The following GPHN variants were observed in gnomAD, a reference collection of about 807,000 sequenced individuals.
GPHN encodes gephyrin.
In GPHN, 17 loss-of-function variants were observed where a neutral mutation model predicts 95.5. That is an observed-to-expected ratio of 0.18 (90% CI 0.12 to 0.27). The LOEUF (loss-of-function observed/expected upper bound fraction) is 0.27, where lower values mean the gene tolerates loss of function less well. Among genes scored for constraint, GPHN ranks in the 10% least tolerant of loss-of-function variants. The pLI is 1.00. For missense variants in GPHN, 660 were observed against 978.1 expected, an observed-to-expected ratio of 0.67 and a Z score of 4.34; for synonymous variants, 320 against 322.5, an observed-to-expected ratio of 0.99 and a Z score of 0.08.
chr14:67,423,515 G>T, the GPHN span, among the ~76,000 whole-genome samples: 1 of 152,112 alleles, frequency 6.6e-6, no homozygotes, highest in African/African-American at 2.4e-5. Flanking sequence ...GTGAGGGAGG[G>T]GAGGGGTCCT....
chr14:67,461,371 C>T, the GPHN span, among the ~76,000 whole-genome samples: 1 of 152,168 alleles, frequency 6.6e-6, no homozygotes, highest in Non-Finnish European at 1.5e-5. Context: ...GACTCCAAAG[C>T]CTGGGGTATT....
the GPHN span, chr14:67,359,832 G>T: frequency 1.0e-6 from 1 of 983,970 alleles, no homozygotes; most frequent in Non-Finnish European, 1.5e-6. Context: ...GTTGCTAAGA[G>T]GCAGCAGGGA....
the GPHN span, among the ~76,000 whole-genome samples, chr14:67,414,232 G>C: frequency 3.3e-5 from 5 of 152,150 alleles, no homozygotes; most frequent in Admixed American, 3.3e-4. Context: ...CTCCTGGCAG[G>C]GCTCCTGCCA....
chr14:66,718,779 C>T (rs1208966438), intron 2 of GPHN, among the ~76,000 whole-genome samples: 4 of 152,182 alleles, frequency 2.6e-5, no homozygotes, highest in South Asian at 4.1e-4. Context: ...AGTCCCCACT[C>T]GACCCAGGAA....
chr14:67,685,189 G>A, the GPHN span: 35 of 1,612,614 alleles, frequency 2.2e-5, no homozygotes, highest in East Asian at 6.2e-4. Context: ...TACAGAATAC[G>A]TCGTAACGCC....
the GPHN span, among the ~76,000 whole-genome samples, chr14:67,354,496 C>A: frequency 6.6e-6 from 1 of 152,082 alleles, no homozygotes; most frequent in Non-Finnish European, 1.5e-5. Context: ...TGTACAAAAA[C>A]ACGTGCAAGG....
At chr14:66,763,693 A>T (rs532427623) in intron 2 of GPHN, among the ~76,000 whole-genome samples, 1 of 152,206 alleles carries the variant, frequency 6.6e-6, no homozygotes, top group East Asian at 1.9e-4. Flanking sequence ...TGAGTAATCT[A>T]GAGATGATTT....
chr14:66,622,270 G>T (rs1302146493), intron 1 of GPHN, among the ~76,000 whole-genome samples: 1 of 152,118 alleles, frequency 6.6e-6, no homozygotes, highest in African/African-American at 2.4e-5. Context: ...GGCTGGAGCA[G>T]CTGGGATGCA....
At chr14:66,998,068 A>G (rs1409456930) in intron 9 of GPHN, among the ~76,000 whole-genome samples, 1 of 152,152 alleles carries the variant, frequency 6.6e-6, no homozygotes, top group Admixed American at 6.5e-5. Context: ...TACAGCATCC[A>G]TCAGGGTATT....
the GPHN span, among the ~76,000 whole-genome samples, chr14:67,233,839 T>C: frequency 7.2e-5 from 11 of 152,224 alleles, no homozygotes; most frequent in East Asian, 1.9e-4. Context: ...AGTTCTGCCA[T>C]GTAAAATTTG....
intron 17 of GPHN, among the ~76,000 whole-genome samples, chr14:67,125,597 C>T (rs1388643321): frequency 1.3e-5 from 2 of 151,984 alleles, no homozygotes; most frequent in African/African-American, 4.8e-5. Flanking sequence ...ACCAACGTGG[C>T]GAACCCCCGT....
the GPHN span, among the ~76,000 whole-genome samples, chr14:67,681,456 T>C: frequency 6.6e-6 from 1 of 152,216 alleles, no homozygotes; most frequent in East Asian, 1.9e-4. Flanking sequence ...TGCAAAAGAA[T>C]GAAGGTTGAC....
chr14:66,583,620 C>A (rs1429991199), intron 1 of GPHN, among the ~76,000 whole-genome samples: 1 of 152,134 alleles, frequency 6.6e-6, no homozygotes, highest in Non-Finnish European at 1.5e-5. Context: ...CCAGTTTTCC[C>A]AGCAGCATTT....
chr14:66,524,169 T>TA (rs1444655827), intron 1 of GPHN, among the ~76,000 whole-genome samples: 1 of 152,162 alleles, frequency 6.6e-6, no homozygotes, highest in African/African-American at 2.4e-5. Flanking sequence ...GTTAAAAAGT[T>TA]AAAGTACCCT....
intron 13 of GPHN, 51 bp downstream of exon 13, chr14:67,100,962 T>C (rs762063215): frequency 3.7e-6 from 4 of 1,069,410 alleles, no homozygotes; most frequent in Non-Finnish European, 4.4e-6. Context: ...TCATGGACTT[T>C]GGGCATCTAA....
the GPHN span, chr14:67,587,086 A>G: frequency 6.2e-7 from 1 of 1,608,320 alleles, no homozygotes; most frequent in East Asian, 2.2e-5. Context: ...TGCAGAAGCT[A>G]CCTTCATCAT....
the GPHN span, among the ~76,000 whole-genome samples, chr14:67,643,723 G>T: frequency 6.6e-6 from 1 of 152,040 alleles, no homozygotes; most frequent in Non-Finnish European, 1.5e-5. Flanking sequence ...AAATAGAGCT[G>T]GGATTCAAAT....
intron 19 of GPHN, among the ~76,000 whole-genome samples, chr14:67,164,835 AG>A (rs1258215775): frequency 6.6e-6 from 1 of 152,040 alleles, no homozygotes; most frequent in Admixed American, 6.6e-5. Flanking sequence ...CGCCAGCAAA[AG>A]TAGTATAAAC....
At chr14:67,310,853 A>G in the GPHN span, among the ~76,000 whole-genome samples, 19 of 152,182 alleles carry the variant, frequency 1.2e-4, no homozygotes, top group Non-Finnish European at 2.4e-4. Context: ...ATCTATGTCT[A>G]TCTTTGTCAC....
Sources: allele counts gnomAD v4.1 joint callset (sites outside exome capture counted in the v4.1 genomes callset), GRCh38; gene constraint gnomAD v4.1.1; transcripts MANE v1.5; gene names NCBI Gene and HGNC (gene_info 2026-07-23, HGNC 2026-07-21).